Variants in CAPN12 observed in about 807,000 individuals in gnomAD.
The protein encoded by CAPN12 is calpain 12, also known as calpain-12.
CAPN12 carries 107 observed loss-of-function variants against 95.0 expected under a neutral mutation model. The ratio of observed to expected loss-of-function variants is 1.13; its 90% CI spans 0.96 to 1.32. The LOEUF (loss-of-function observed/expected upper bound fraction) is 1.32. Ranked by LOEUF, CAPN12 falls within the 40% of genes most tolerant of loss-of-function variation. The pLI is 0.00. For synonymous variants in CAPN12, 505 were observed against 415.5 expected, an observed-to-expected ratio of 1.22 and a Z score of -2.62; for missense variants, 1,136 against 997.8, an observed-to-expected ratio of 1.14 and a Z score of -1.87.
At position 38,738,479 on chromosome 19, in the gene CAPN12, G is replaced by C. The variant is rs764694690; in HGVS notation, c.829C>G (p.Arg277Gly). The C allele has an allele frequency of 1.1e-5, 18 of 1,610,840 alleles. No individual in the cohort carries two copies. The South Asian group carries it at 1.2e-4, about 11-fold the overall frequency. ...CATGGGTTCCGCAGCCGCAGCAGCC[G>C]CACCTTGGTGAAGCCCAGGAACACC... Reference protein sequence around the residue: ...HKVFLGFTKVRLLRLRNPWGC... With the variant: ...HKVFLGFTKVGLLRLRNPWGC... Residue 277 changes from arginine to glycine, a missense_variant, in exon 7 of 21, where the codon CGG (arginine) becomes GGG (glycine). Transcript: ENST00000328867.
intron 15 of CAPN12, 36 bp downstream of exon 15, chr19:38,734,777 A>G (rs1190582764): frequency 6.3e-7 from 1 of 1,599,226 alleles, no homozygotes; most frequent in East Asian, 2.2e-5. Flanking sequence ...CCCCTGGCTA[A>G]GACCCCTCCT....
chr19:38,739,727 T>TA (rs1170261603), intron 5 of CAPN12: 2 of 173,210 alleles, frequency 1.2e-5, no homozygotes, highest in Admixed American at 6.6e-5. Context: ...TTTTTTTTTT[T>TA]AAATAAACCC....
Position 38,737,645 on chromosome 19 carries a change from GGTGGCCCA to G in CAPN12, c.966-15_966-8del, listed in dbSNP as rs1568787950. On this transcript the variant is annotated splice_polypyrimidine_tract_variant and splice_region_variant and intron_variant, in intron 8 of 20. Transcript: ENST00000328867. ...GAAGTCCCGCAGCTCCATCCTGCAC[GGTGGCCCA>G]GTCAGACCCTGCCCGGCCCCACCTC... is the stretch of plus-strand genomic sequence containing the variant. 1.3e-6 allele frequency: 2 copies of G among 1,579,940 alleles called. No individual in the cohort carries two copies. The highest frequency in any genetic ancestry group is 2.3e-5 in the South Asian group (2 of 86,646).
At chr19:38,737,123 T>C in intron 10 of CAPN12, 33 bp downstream of exon 10, 1 of 1,476,130 alleles carries the variant, frequency 6.8e-7, no homozygotes, top group Non-Finnish European at 9.1e-7. Context: ...CCCTCCGGGT[T>C]CCCTCCAGCC....
rs1970558033 is a variant in CAPN12, at chr19:38,741,765, T to TG, written c.560+11dup. On this transcript the variant is annotated intron_variant, in intron 4 of 20. Coordinates refer to ENST00000328867, the MANE Select transcript of CAPN12 (RefSeq NM_144691.4). ...ACTTAGGGCTGCAGCTGGTTGGAAC[T>TG]GGGGTCCTCACTTGGCGTAGGCCTT... 6.2e-7 allele frequency: 1 copy of TG among 1,613,756 alleles called. No individual in the cohort carries two copies. Among genetic ancestry groups the TG allele is most frequent in the Non-Finnish European group, 8.5e-7 (1 of 1,179,948 alleles).
Position 38,735,442 on chromosome 19 carries a change from G to T in CAPN12, c.1627-13C>A, listed in dbSNP as rs575478226. 1.2e-6 allele frequency: 2 copies of T among 1,610,930 alleles called. No homozygotes were observed. The highest frequency in any genetic ancestry group is 1.1e-5 in the South Asian group (1 of 90,916). ...GCAGGTAGGGGCCCTGCCGCATGGC[G>T]GAAGTTTAGCGCTGGCCAAGATCCC... is the stretch of plus-strand genomic sequence containing the variant. On this transcript the variant is annotated splice_polypyrimidine_tract_variant and intron_variant, in intron 13 of 20. Transcript: ENST00000328867.
At position 38,742,192 on chromosome 19, in the gene CAPN12, G is replaced by T. The variant is rs1970584570; in HGVS notation, c.426+218C>A. 4 of 616,876 alleles carry T rather than the reference G, an allele frequency of 6.5e-6. No homozygotes were observed. In the Admixed American group the frequency reaches 8.8e-5, roughly 14 times the overall value. The allele number at this position is 616,876 out of a possible 1,614,324, so 38.2% of individuals were successfully genotyped here. A position where few individuals can be genotyped will look rare whatever the true frequency, so the allele number is the denominator to read the frequency against. On this transcript the variant is annotated intron_variant, in intron 3 of 20. Transcript: ENST00000328867. ...TAAGAAAAAATTAGCTGGGCATGATGGCGGGTGCCTGTAATCCCAGCTACT... is the reference window on the plus strand; with the variant it reads ...TAAGAAAAAATTAGCTGGGCATGATTGCGGGTGCCTGTAATCCCAGCTACT...
At chr19:38,731,755 A>C (rs147889955) in intron 18 of CAPN12, among the ~76,000 whole-genome samples, 2 of 152,328 alleles carry the variant, frequency 1.3e-5, no homozygotes, top group East Asian at 3.9e-4. Flanking sequence ...ACGGCCAGAC[A>C]AACCCAGTTC....
intron 18 of CAPN12, among the ~76,000 whole-genome samples, chr19:38,732,493 G>C (rs538067500): frequency 6.6e-6 from 1 of 152,162 alleles, no homozygotes; most frequent in Non-Finnish European, 1.5e-5. Context: ...CACCACGCCT[G>C]GCTAATTTTT....
chr19:38,736,812 C>A (rs950174614), intron 10 of CAPN12: 174 of 591,062 alleles, frequency 2.9e-4, no homozygotes, highest in Middle Eastern at 1.2e-3. Context: ...TAACCCCCAG[C>A]CTCTCTCTGT....
In CAPN12 at chr19:38,731,123, G is replaced by A. The variant is rs748311659; in HGVS notation, c.2058C>T (p.His686=). ...DFERFVSCVA[H]LTCIFCHCSQ... ...GGTACTCACAGAAGATGCAGGTGAGGTGGGCCACACAGGACACGAACCGCT... is the reference window on the plus strand; with the variant it reads ...GGTACTCACAGAAGATGCAGGTGAGATGGGCCACACAGGACACGAACCGCT... Residue 686 remains histidine (H), a synonymous_variant, in exon 19 of 21, where the codon CAC becomes CAT. Coordinates refer to ENST00000328867, the MANE Select transcript of CAPN12 (RefSeq NM_144691.4). The A allele has an allele frequency of 1.1e-5, 17 of 1,612,308 alleles. No individual in the cohort carries two copies. Among genetic ancestry groups the A allele is most frequent in the Admixed American group, 3.3e-5 (2 of 59,910 alleles).
chr19:38,738,815 A>G, intron 5 of CAPN12, 167 bp from the exon 6 acceptor site: 1 of 625,026 alleles, frequency 1.6e-6, no homozygotes. Flanking sequence ...CGAAAGAGAA[A>G]AGGAGAGGAA....
chr19:38,735,504 G>A lies in CAPN12; in HGVS notation c.1624C>T (p.Gln542Ter). 6.2e-7 allele frequency: 1 copy of A among 1,611,212 alleles called. No homozygotes were observed. Among genetic ancestry groups the A allele is most frequent in the Non-Finnish European group, 8.5e-7 (1 of 1,179,504 alleles). ...GCCCCTCCAGGAACAGTCCCCACCTGGAGAGACTGCAGGTCTGCGCTGATC... is the reference window on the plus strand; with the variant it reads ...GCCCCTCCAGGAACAGTCCCCACCTAGAGAGACTGCAGGTCTGCGCTGATC... ...DVISADLQSL[Q>*]GPYLPLELGL... Residue 542 changes from glutamine (Q) to a stop codon, truncating the protein, a stop_gained and splice_region_variant, in exon 13 of 21, where the codon CAG becomes TAG. Transcript: ENST00000328867. LOFTEE classifies it high-confidence loss of function.
At chr19:38,737,759 G>T in intron 8 of CAPN12, 121 bp from the exon 9 acceptor site, 1 of 1,312,904 alleles carries the variant, frequency 7.6e-7, no homozygotes, top group South Asian at 1.6e-5. Flanking sequence ...ATACCCTTCA[G>T]GCTCCAGAAA....
At chr19:38,735,455 T>G in intron 13 of CAPN12, 26 bp from the exon 14 acceptor site, 1 of 1,610,598 alleles carries the variant, frequency 6.2e-7, no homozygotes, top group Non-Finnish European at 8.5e-7. Context: ...AGTTTAGCGC[T>G]GGCCAAGATC....
At position 38,743,086 on chromosome 19, in the gene CAPN12, G is replaced by A. The variant is rs189959749; in HGVS notation, c.254C>T (p.Pro85Leu). The change falls in exon 2 of 21, where the codon CCG becomes CTG. Residue 85 changes from proline (P) to leucine (L), a missense_variant. Coordinates refer to ENST00000328867, the MANE Select transcript of CAPN12 (RefSeq NM_144691.4). Reference protein sequence around the residue: ...WMRPHEFCAEPKFICEDMSRT... With the variant: ...WMRPHEFCAELKFICEDMSRT... ...GCTCATGTCTTCACAGATGAACTTC[G>A]GCTCAGCACAGAACTCCTGTGGGTG... 6 of 1,613,984 alleles carry A rather than the reference G, an allele frequency of 3.7e-6. No homozygotes were observed. Among genetic ancestry groups the A allele is most frequent in the African/African-American group, 2.7e-5 (2 of 74,984 alleles).
chr19:38,736,785 G>A, intron 10 of CAPN12: 1 of 611,490 alleles, frequency 1.6e-6, no homozygotes, highest in Non-Finnish European at 2.8e-6. Flanking sequence ...TGTATCCTTG[G>A]TCCCCTCTGG....
Position 38,733,690 on chromosome 19 carries a change from A to AC in CAPN12, c.1957+12dup. 6.2e-7 allele frequency: 1 copy of AC among 1,612,358 alleles called. No individual in the cohort carries two copies. Among genetic ancestry groups the AC allele is most frequent in the Non-Finnish European group, 8.5e-7 (1 of 1,179,182 alleles). On this transcript the variant is annotated intron_variant, in intron 18 of 20. Transcript: ENST00000328867. ...GTCCTGTCCCCACGACCACCCCAGGACCCTGTCCACACCTGCTGCATTCAG... is the reference window on the plus strand; with the variant it reads ...GTCCTGTCCCCACGACCACCCCAGGACCCCTGTCCACACCTGCTGCATTCAG...
intron 4 of CAPN12, among the ~76,000 whole-genome samples, chr19:38,741,060 A>G (rs993407231): frequency 6.6e-5 from 10 of 152,072 alleles, no homozygotes; most frequent in African/African-American, 2.4e-4. Flanking sequence ...CAAAGATTTG[A>G]GGGTCCCAGG....
Sources: allele counts gnomAD v4.1 joint callset (sites outside exome capture counted in the v4.1 genomes callset), GRCh38; gene constraint gnomAD v4.1.1; transcripts MANE v1.5; gene names NCBI Gene and HGNC (gene_info 2026-07-23, HGNC 2026-07-21).